The following STK17B variants were observed in gnomAD, a reference collection of about 807,000 sequenced individuals.
STK17B encodes the protein serine/threonine-protein kinase 17B.
A neutral mutation model predicts 42.0 loss-of-function variants in STK17B; 21 were observed. The ratio of observed to expected loss-of-function variants is 0.50; its 90% CI spans 0.35 to 0.72. STK17B has a LOEUF of 0.72. Among genes scored for constraint, STK17B ranks in the 30% least tolerant of loss-of-function variants. STK17B has a pLI of 0.00. For missense variants in STK17B, 349 were observed against 446.0 expected, an observed-to-expected ratio of 0.78 and a Z score of 1.96; for synonymous variants, 143 against 148.4, an observed-to-expected ratio of 0.96 and a Z score of 0.26.
In STK17B at chr2:196,134,017, TAAAC is replaced by T. The variant is rs1328967069; in HGVS notation, c.*3426_*3429del. 2 of 152,142 alleles carry T rather than the reference TAAAC, an allele frequency of 1.3e-5. No individual in the cohort carries two copies. The highest frequency in any genetic ancestry group is 2.9e-5 in the Non-Finnish European group (2 of 68,008). 9.4% of individuals were successfully genotyped at this position (152,142 alleles called of 1,614,324 possible). A position where few individuals can be genotyped will look rare whatever the true frequency, so the allele number is the denominator to read the frequency against. On this transcript the variant is annotated 3_prime_UTR_variant, in exon 8 of 8. Transcript: ENST00000263955. ...AGATATCAAACTGAAAATTCAAAAA[TAAAC>T]AGAAGAAATGTAAACAGTTCTAAAA...
At chr2:196,162,724 C>G (rs968780066) in intron 2 of STK17B, among the ~76,000 whole-genome samples, 1 of 150,732 alleles carries the variant, frequency 6.6e-6, no homozygotes, top group East Asian at 1.9e-4. Flanking sequence ...ATGGAGAAAC[C>G]CTGTCTCTAC....
chr2:196,165,811 C>T (rs530134115), intron 1 of STK17B: 3 of 152,336 alleles, frequency 2.0e-5, no homozygotes, highest in East Asian at 1.9e-4. Context: ...AAGGGCATAT[C>T]GCTATTGTTC....
chr2:196,154,334 TGAG>T (rs1421330348), intron 3 of STK17B: 5 of 152,282 alleles, frequency 3.3e-5, no homozygotes, highest in Admixed American at 1.3e-4. Context: ...TCCTTTACAA[TGAG>T]GAGAGCTAGA....
chr2:196,139,388 G>T (rs1231030320), intron 7 of STK17B, among the ~76,000 whole-genome samples: 1 of 152,176 alleles, frequency 6.6e-6, no homozygotes, highest in Non-Finnish European at 1.5e-5. Context: ...TGTGAGAGAA[G>T]TAACTCAAAT....
chr2:196,143,874 C>T lies in STK17B; in HGVS notation c.481-188G>A, dbSNP rs560060686. 3.0e-3 allele frequency among the ~76,000 whole-genome samples: 459 copies of T among 152,152 alleles called. 3 individuals carry two copies. Among genetic ancestry groups the T allele is most frequent in the African/African-American group, 0.011 (442 of 41,498 alleles). ...AATGATGCATAAAGCCAAAAACACACCCAAAAAGGATTCTAGGTTTGAAGA... is the reference window on the plus strand; with the variant it reads ...AATGATGCATAAAGCCAAAAACACATCCAAAAAGGATTCTAGGTTTGAAGA... On this transcript the variant is annotated intron_variant, in intron 4 of 7. Coordinates refer to ENST00000263955, the MANE Select transcript of STK17B (RefSeq NM_004226.4).
chr2:196,137,805 G>A (rs1699430072), intron 7 of STK17B, 76 bp from the exon 8 acceptor site: 1 of 1,479,652 alleles, frequency 6.8e-7, no homozygotes, highest in Non-Finnish European at 9.0e-7. Flanking sequence ...ATAGATTATA[G>A]ACATATTTTT....
At chr2:196,141,887 T>C (rs935882139) in intron 5 of STK17B, among the ~76,000 whole-genome samples, 4 of 150,012 alleles carry the variant, frequency 2.7e-5, no homozygotes, top group African/African-American at 9.8e-5. Flanking sequence ...AAAAAACAAT[T>C]ATAAAAAAGT....
At position 196,142,647 on chromosome 2, in the gene STK17B, C is replaced by G. The variant is rs568443728; in HGVS notation, c.607+913G>C. Among the ~76,000 whole-genome samples, 263 of 152,328 alleles carry G rather than the reference C, an allele frequency of 1.7e-3. 1 individual carries two copies. Among genetic ancestry groups the G allele is most frequent in the African/African-American group, 6.1e-3 (255 of 41,568 alleles). ...ATTAATAAAGCCTTTAAATCATATA[C>G]AGTCAGCTTCTGTTAAACCACCTAC... On this transcript the variant is annotated intron_variant, in intron 5 of 7. Coordinates refer to ENST00000263955, the MANE Select transcript of STK17B (RefSeq NM_004226.4).
Position 196,133,713 on chromosome 2 carries a change from T to C in STK17B, c.*3734A>G, listed in dbSNP as rs1406285246. ...CTTTGAAACAAATGACAACCACAGA[T>C]ATAAAAAAGTGCTTTTTAATTTTTA... On this transcript the variant is annotated 3_prime_UTR_variant, in exon 8 of 8. Transcript: ENST00000263955. The C allele has an allele frequency of 2.6e-5, 4 of 152,210 alleles. No homozygotes were observed. Among genetic ancestry groups the C allele is most frequent in the Non-Finnish European group, 5.9e-5 (4 of 68,014 alleles). 9.4% of individuals were successfully genotyped at this position (152,210 alleles called of 1,614,324 possible). A position where few individuals can be genotyped will look rare whatever the true frequency, so the allele number is the denominator to read the frequency against.
chr2:196,163,989 T>C (rs990987578), intron 1 of STK17B, among the ~76,000 whole-genome samples: 1 of 152,006 alleles, frequency 6.6e-6, no homozygotes, highest in African/African-American at 2.4e-5. Flanking sequence ...CAGTGAGCTA[T>C]GAATGTGCTA....
Position 196,163,353 on chromosome 2 carries a change from T to C in STK17B, c.31A>G (p.Ile11Val), listed in dbSNP as rs766362335. The C allele has an allele frequency of 6.2e-6, 10 of 1,600,094 alleles. No individual in the cohort carries two copies. The South Asian group carries it at 9.1e-5, about 15-fold the overall frequency. Residue 11 changes from isoleucine (I) to valine (V), a missense_variant, in exon 2 of 8, where the codon ATT becomes GTT. Around this residue, in one of 3 missense-constraint regions of STK17B, gnomAD observed 256 missense variants for 347.7 expected, o/e 0.74. Transcript: ENST00000263955. The stretch of plus-strand genomic sequence containing the variant: ...GGAGTTGTAGTTAGTAGGCCTGAAA[T>C]ACTTCGGCAATCAAATCTCCTCCTC... MSRRRFDCRS[I>V]SGLLTTTPQI...
chr2:196,172,963 TGGG>T (rs1367706329), upstream of STK17B, among the ~76,000 whole-genome samples: 1 of 152,130 alleles, frequency 6.6e-6, no homozygotes. Flanking sequence ...AGTAACCTCT[TGGG>T]GGTCACAGGA....
chr2:196,160,314 C>A (rs1271353564), intron 2 of STK17B, among the ~76,000 whole-genome samples: 4 of 152,228 alleles, frequency 2.6e-5, no homozygotes, highest in African/African-American at 9.6e-5. Context: ...ACCCTTCTAA[C>A]CACAAGAAGT....
intron 1 of STK17B, chr2:196,165,664 T>C (rs1432097710): frequency 6.6e-6 from 1 of 152,180 alleles, no homozygotes; most frequent in Non-Finnish European, 1.5e-5. Context: ...CGCATTCCCT[T>C]TTACTGGTGA....
upstream of STK17B, among the ~76,000 whole-genome samples, chr2:196,173,178 A>G (rs1050116914): frequency 1.5e-4 from 23 of 152,090 alleles, no homozygotes; most frequent in African/African-American, 5.3e-4. Flanking sequence ...CTTGGTCACA[A>G]TACCTCTGCT....
chr2:196,161,989 A>G (rs1026697744), intron 2 of STK17B, among the ~76,000 whole-genome samples: 19 of 152,302 alleles, frequency 1.2e-4, no homozygotes, highest in Admixed American at 5.9e-4. Flanking sequence ...AAAATCAATC[A>G]CATTGTTTTG....
At chr2:196,154,927 A>T (rs1281675784) in intron 3 of STK17B, 2 of 152,248 alleles carry the variant, frequency 1.3e-5, no homozygotes, top group Non-Finnish European at 2.9e-5. Flanking sequence ...AGCCAGAGGT[A>T]TAGAGATCAG....
intron 1 of STK17B, among the ~76,000 whole-genome samples, chr2:196,169,735 C>G (rs1417527230): frequency 6.6e-6 from 1 of 152,136 alleles, no homozygotes; most frequent in Non-Finnish European, 1.5e-5. Flanking sequence ...CTATCTTAAC[C>G]AAATCGTAAT....
intron 3 of STK17B, among the ~76,000 whole-genome samples, chr2:196,152,897 G>C (rs1699685742): frequency 6.6e-6 from 1 of 151,880 alleles, no homozygotes; most frequent in Non-Finnish European, 1.5e-5. Flanking sequence ...GCAGTACAGG[G>C]GATACATGTT....
Sources: gnomAD v4.1 joint callset for allele counts (sites outside exome capture counted in the v4.1 genomes callset) on GRCh38, gnomAD v4.1.1 for gene constraint, gnomAD v4.1.1 regional missense constraint, MANE v1.5 for transcripts, NCBI Gene and HGNC (gene_info 2026-07-23, HGNC 2026-07-21) for gene names.